The following JAZF1 variants were observed in gnomAD, a reference collection of about 807,000 sequenced individuals.
The protein encoded by JAZF1 is JAZF zinc finger 1, also known as juxtaposed with another zinc finger protein 1.
Under a neutral mutation model 26.4 loss-of-function variants are expected in JAZF1, and 8 were observed. The observed-to-expected ratio is 0.30, with a 90% CI of 0.18 to 0.55. JAZF1 has a LOEUF of 0.55. Ranked by LOEUF, JAZF1 falls within the 20% of genes least tolerant of loss-of-function variation. The pLI, the probability that JAZF1 is intolerant of heterozygous loss-of-function variation, is 0.94. For synonymous variants in JAZF1, 126 were observed against 122.3 expected (o/e 1.03, Z -0.20); for missense variants, 199 against 322.0 (o/e 0.62, Z 2.92).
intron 1 of JAZF1, among the ~76,000 whole-genome samples, chr7:28,037,452 A>C (rs73683943): frequency 0.017 from 2,545 of 152,250 alleles, 62 homozygotes; most frequent in African/African-American, 0.056. Context: ...ACATTCTGAA[A>C]ATGACTCAGG....
chr7:27,862,585 T>G (rs1562770101), intron 3 of JAZF1, among the ~76,000 whole-genome samples: 2 of 152,190 alleles, frequency 1.3e-5, no homozygotes, highest in Admixed American at 6.5e-5. Context: ...ACCTATTAGG[T>G]TGCTCCAGAT....
intron 1 of JAZF1, among the ~76,000 whole-genome samples, chr7:28,003,417 G>T (rs934312167): frequency 1.2e-4 from 18 of 152,130 alleles, no homozygotes; most frequent in African/African-American, 4.3e-4. Flanking sequence ...ACTTTCTCCA[G>T]AATTAGTTAT....
chr7:27,934,960 T>C (rs1325140177), intron 2 of JAZF1, among the ~76,000 whole-genome samples: 3 of 152,178 alleles, frequency 2.0e-5, no homozygotes, highest in African/African-American at 7.2e-5. Flanking sequence ...TATCTGATAA[T>C]GAACTTGTAT....
intron 1 of JAZF1, among the ~76,000 whole-genome samples, chr7:28,024,464 A>T (rs141872494): frequency 6.6e-6 from 1 of 152,338 alleles, no homozygotes; most frequent in Non-Finnish European, 1.5e-5. Flanking sequence ...GTATGCACAT[A>T]CATAACCAGG....
chr7:27,832,525 T>C lies in JAZF1; in HGVS notation c.*275A>G, dbSNP rs1782725421. On this transcript the variant is annotated 3_prime_UTR_variant, in exon 5 of 5. Transcript: ENST00000283928. ...ATGCAACATGCCCTCAATTTTATTT[T>C]GTTTTGGGGGAAATGTGCTGAAGAA... is the stretch of plus-strand genomic sequence containing the variant. The C allele has an allele frequency of 7.3e-6, 2 of 273,572 alleles. No homozygotes were observed. The highest frequency in any genetic ancestry group is 1.4e-5 in the Non-Finnish European group (2 of 144,596). The allele number at this position is 273,572 out of a possible 1,614,324, so 16.9% of individuals were successfully genotyped here.
At chr7:27,943,353 G>C (rs1212529252) in intron 2 of JAZF1, among the ~76,000 whole-genome samples, 5 of 152,186 alleles carry the variant, frequency 3.3e-5, no homozygotes, top group Non-Finnish European at 7.3e-5. Flanking sequence ...GGGAAACAAT[G>C]CAGAGGAAAG....
chr7:27,866,902 T>G (rs943628735), intron 3 of JAZF1, among the ~76,000 whole-genome samples: 1 of 152,170 alleles, frequency 6.6e-6, no homozygotes, highest in African/African-American at 2.4e-5. Flanking sequence ...GATGCAGAAC[T>G]TGGGTGGGCA....
chr7:28,171,946 T>C (rs867534241), intron 1 of JAZF1, among the ~76,000 whole-genome samples: 3 of 152,104 alleles, frequency 2.0e-5, no homozygotes, highest in Admixed American at 1.3e-4. Flanking sequence ...TGAAAAAAAA[T>C]TGAATGTTAT....
intron 1 of JAZF1, among the ~76,000 whole-genome samples, chr7:28,142,430 G>A (rs554383173): frequency 7.9e-5 from 12 of 152,250 alleles, no homozygotes; most frequent in East Asian, 3.9e-4. Flanking sequence ...CCTGAGGCTC[G>A]CTGAGGAGCC....
At chr7:27,860,940 C>T (rs953645606) in intron 3 of JAZF1, among the ~76,000 whole-genome samples, 1 of 152,186 alleles carries the variant, frequency 6.6e-6, no homozygotes, top group Non-Finnish European at 1.5e-5. Flanking sequence ...TCCAGAACCA[C>T]CCTGCATGGC....
intron 1 of JAZF1, among the ~76,000 whole-genome samples, chr7:28,174,026 T>C (rs933997623): frequency 3.0e-4 from 46 of 152,246 alleles, no homozygotes; most frequent in Non-Finnish European, 4.4e-5. Context: ...ATAATAAATT[T>C]CTGACATCTA....
intron 1 of JAZF1, among the ~76,000 whole-genome samples, chr7:28,154,359 T>C (rs1415713290): frequency 6.6e-6 from 1 of 152,110 alleles, no homozygotes; most frequent in Non-Finnish European, 1.5e-5. Flanking sequence ...AAGTCTCCAA[T>C]GGGTAGAGCA....
intron 2 of JAZF1, among the ~76,000 whole-genome samples, chr7:27,987,324 AG>A (rs1228775975): frequency 6.8e-6 from 1 of 147,554 alleles, no homozygotes; most frequent in Non-Finnish European, 1.5e-5. Context: ...CTGGGATCTG[AG>A]GAGTGTCTCT....
At chr7:28,119,977 G>A (rs1784812687) in intron 1 of JAZF1, among the ~76,000 whole-genome samples, 1 of 152,080 alleles carries the variant, frequency 6.6e-6, no homozygotes, top group Non-Finnish European at 1.5e-5. Flanking sequence ...CCATGTGTTA[G>A]ATCCAGCAGT....
intron 2 of JAZF1, among the ~76,000 whole-genome samples, chr7:27,930,800 AAAT>A (rs1475333733): frequency 2.6e-5 from 4 of 151,224 alleles, no homozygotes; most frequent in African/African-American, 9.7e-5. Context: ...CAAATATTCC[AAAT>A]AATTTTATCC....
chr7:27,842,537 G>A (rs1782941873), intron 3 of JAZF1: 1 of 152,178 alleles, frequency 6.6e-6, no homozygotes, highest in African/African-American at 2.4e-5. Context: ...AAGCTTTGGA[G>A]CTAAATGTGG....
chr7:28,165,129 AC>A (rs1322647231), intron 1 of JAZF1, among the ~76,000 whole-genome samples: 2 of 152,202 alleles, frequency 1.3e-5, no homozygotes, highest in African/African-American at 4.8e-5. Context: ...AGATGGTGCC[AC>A]TGCACTCCAG....
intron 1 of JAZF1, among the ~76,000 whole-genome samples, chr7:28,048,270 C>G (rs1783531317): frequency 3.3e-5 from 5 of 152,172 alleles, no homozygotes; most frequent in African/African-American, 1.2e-4. Context: ...GTAAGCTTGC[C>G]AGGTGTTCCT....
chr7:27,843,605 A>G (rs772813526), intron 3 of JAZF1: 1 of 152,290 alleles, frequency 6.6e-6, no homozygotes, highest in African/African-American at 2.4e-5. Flanking sequence ...GAAAAAACAC[A>G]AGAGAGACTC....
Sources: allele counts gnomAD v4.1 joint callset (sites outside exome capture counted in the v4.1 genomes callset), GRCh38; gene constraint gnomAD v4.1.1; transcripts MANE v1.5; gene names NCBI Gene and HGNC (gene_info 2026-07-23, HGNC 2026-07-21).